The following MUC3A variants were observed in gnomAD, a reference collection of about 807,000 sequenced individuals.
The protein encoded by MUC3A is mucin-3A.
A neutral mutation model predicts 109.0 loss-of-function variants in MUC3A; 109 were observed. The ratio of observed to expected loss-of-function variants is 1.00; its 90% CI spans 0.86 to 1.17. The LOEUF (loss-of-function observed/expected upper bound fraction) is 1.17, where lower values mean the gene tolerates loss of function less well. Among genes scored for constraint, MUC3A ranks in the 50% most tolerant of loss-of-function variants. The probability of loss-of-function intolerance (pLI) is 0.00; values close to 1 mark genes in which losing one functional copy is unlikely to be tolerated. For synonymous variants in MUC3A, 1,398 were observed against 981.4 expected (o/e 1.42, Z -7.93); for missense variants, 3,537 against 2,469.4 (o/e 1.43, Z -9.16).
rs909107848 is a variant in MUC3A at position 100,957,032 on chromosome 7, A to T, written c.5253A>T (p.Gly1751=). Residue 1751 remains glycine (G), a synonymous_variant, in exon 2 of 12, where the codon GGA becomes GGT. Transcript: ENST00000379458. ...TLTPTSDIST[G]SFKTAVSSTP... ...CTCCTACCTCTGACATTTCCACAGGATCTTTCAAAACAGCCGTGAGTTCTA... is the reference window on the plus strand; with the variant it reads ...CTCCTACCTCTGACATTTCCACAGGTTCTTTCAAAACAGCCGTGAGTTCTA... 8.5e-3 allele frequency: 3,877 copies of T among 458,104 alleles called. No homozygotes were observed. Among genetic ancestry groups the T allele is most frequent in the Middle Eastern group, 0.046 (148 of 3,250 alleles). 28.4% of individuals were successfully genotyped at this position (458,104 alleles called of 1,614,324 possible). A position where few individuals can be genotyped will look rare whatever the true frequency, so the allele number is the denominator to read the frequency against.
chr7:100,963,883 C>A, intron 5 of MUC3A, 131 bp downstream of exon 5: 1 of 1,283,846 alleles, frequency 7.8e-7, no homozygotes, highest in Non-Finnish European at 1.1e-6. Flanking sequence ...TAAGGAATCA[C>A]TCCCTGGGTA....
rs1792579162 is a variant in MUC3A, at chr7:100,966,663, A to G, written c.9797A>G (p.Gln3266Arg). Residue 3266 changes from glutamine (Q) to arginine (R), a missense_variant, in exon 10 of 12, where the codon CAG becomes CGG. Gln to Arg is a conservative substitution (Grantham distance 43). Coordinates refer to ENST00000379458, the MANE Select transcript of MUC3A (RefSeq NM_005960.2). Reference protein sequence around the residue: ...GGQRRGRSWDQDRKWFETWDE... With the variant: ...GGQRRGRSWDRDRKWFETWDE... Reference sequence around the variant, plus strand: ...GCGGCCCCACCTAGGTCCTGGGACCAGGACAGGAAATGGTTCGAGACCTGG... The same window carrying G: ...GCGGCCCCACCTAGGTCCTGGGACCGGGACAGGAAATGGTTCGAGACCTGG... 2 of 1,598,550 alleles carry G rather than the reference A, an allele frequency of 1.3e-6. No individual in the cohort carries two copies. Among genetic ancestry groups the G allele is most frequent in the East Asian group, 2.2e-5 (1 of 44,892 alleles).
At chr7:100,963,997 G>A (rs1237853919) in intron 5 of MUC3A, 5 of 637,384 alleles carry the variant, frequency 7.8e-6, no homozygotes, top group South Asian at 7.8e-5. Flanking sequence ...GTGGGAAGGT[G>A]GTGCCTGGAT....
At chr7:100,966,071 C>A in intron 8 of MUC3A, 1 of 708,570 alleles carries the variant, frequency 1.4e-6, no homozygotes, top group Non-Finnish European at 2.1e-6. Flanking sequence ...GAGTCCTGTC[C>A]CCTAATTCTG....
chr7:100,967,602 C>G lies in MUC3A; in HGVS notation c.*440C>G, dbSNP rs910494812. The G allele has an allele frequency of 6.6e-5, 22 of 333,246 alleles. No homozygotes were observed. Among genetic ancestry groups the G allele is most frequent in the African/African-American group, 3.8e-4 (18 of 47,374 alleles). The allele number at this position is 333,246 out of a possible 1,614,324, so 20.6% of individuals were successfully genotyped here. On this transcript the variant is annotated 3_prime_UTR_variant, in exon 12 of 12. Transcript: ENST00000379458. ...TCTCTGGCCCTGGTTCTTATTTTCT[C>G]TCAATTCCCTACTGCCTGTTTCTTA...
chr7:100,957,714 A>G lies in MUC3A; in HGVS notation c.5935A>G (p.Ile1979Val). Reference protein sequence around the residue: ...SHNTPSLTSSITTTKTTSHST... With the variant: ...SHNTPSLTSSVTTTKTTSHST... Reference sequence around the variant, plus strand: ...CAATACTCCCAGCCTCACTTCTTCAATCACCACCACCAAGACCACCTCACA... The same window carrying G: ...CAATACTCCCAGCCTCACTTCTTCAGTCACCACCACCAAGACCACCTCACA... The change falls in exon 2 of 12, where the codon ATC (isoleucine) becomes GTC (valine). Residue 1979 changes from isoleucine to valine, a missense_variant. Ile to Val is a conservative substitution (Grantham distance 29, BLOSUM62 3). Coordinates refer to ENST00000379458, the MANE Select transcript of MUC3A (RefSeq NM_005960.2). 1 of 1,379,524 alleles carries G rather than the reference A, an allele frequency of 7.2e-7. No individual in the cohort carries two copies. Among genetic ancestry groups the G allele is most frequent in the Non-Finnish European group, 1.0e-6 (1 of 984,514 alleles). The allele number at this position is 1,379,524 out of a possible 1,614,324, so 85.5% of individuals were successfully genotyped here.
intron 3 of MUC3A, among the ~76,000 whole-genome samples, chr7:100,962,099 G>C (rs1350730940): frequency 9.7e-6 from 1 of 103,272 alleles, no homozygotes; most frequent in Admixed American, 1.2e-4. Context: ...GGGCGTAGTG[G>C]CGGGCGCCTG....
At position 100,958,977 on chromosome 7, in the gene MUC3A, A is replaced by C. The variant is rs62483697; in HGVS notation, c.7198A>C (p.Lys2400Gln). The change falls in exon 2 of 12, where the codon AAG (lysine) becomes CAG (glutamine). Residue 2400 changes from lysine (K) to glutamine (Q), a missense_variant. By Grantham distance (53) the Lys-to-Gln change is moderately conservative (BLOSUM62 1). Transcript: ENST00000379458. Reference protein sequence around the residue: ...PGLTSWVTTTKTTSHITPGLT... With the variant: ...PGLTSWVTTTQTTSHITPGLT... ...CCTCACTTCGTGGGTCACCACCACC[A>C]AGACCACCTCACACATTACTCCTGG... 2 of 1,381,530 alleles carry C rather than the reference A, an allele frequency of 1.4e-6. No individual in the cohort carries two copies. Among genetic ancestry groups the C allele is most frequent in the Non-Finnish European group, 1.9e-6 (2 of 1,051,632 alleles). 85.6% of individuals were successfully genotyped at this position (1,381,530 alleles called of 1,614,324 possible).
At chr7:100,963,652 G>A (rs1792418784) in intron 4 of MUC3A, 36 bp from the exon 5 acceptor site, 1 of 1,598,372 alleles carries the variant, frequency 6.3e-7, no homozygotes, top group East Asian at 2.2e-5. Flanking sequence ...AGGTCTGCAG[G>A]TTCGGACGTG....
chr7:100,965,606 G>A (rs956951020), intron 7 of MUC3A, 98 bp from the exon 8 acceptor site: 2 of 1,526,520 alleles, frequency 1.3e-6, no homozygotes, highest in Non-Finnish European at 1.8e-6. Context: ...CCTCGGAAAT[G>A]GAATCCTCCT....
chr7:100,952,260 C>A lies in MUC3A; in HGVS notation c.481C>A (p.Pro161Thr). 1 of 1,598,508 alleles carries A rather than the reference C, an allele frequency of 6.3e-7. No individual in the cohort carries two copies. Among genetic ancestry groups the A allele is most frequent in the Non-Finnish European group, 8.5e-7 (1 of 1,179,766 alleles). Residue 161 changes from proline (P) to threonine (T), a missense_variant, in exon 2 of 12, where the codon CCC (proline) becomes ACC (threonine). Coordinates refer to ENST00000379458, the MANE Select transcript of MUC3A (RefSeq NM_005960.2). The stretch of plus-strand genomic sequence containing the variant: ...CTTCACCAGCTCTTACACCTCGACT[C>A]CCGTGACACAGAAGCCAGTGACCAC... ...VAFTSSYTST[P>T]VTQKPVTTVT...
rs1791996630 is a variant in MUC3A at position 100,952,755 on chromosome 7, A to ACCAC, written c.976_977insCCAC (p.Ser326ThrfsTer9). ...GGTGACCACACTCCCCACTACCATC[A>ACCAC]GCAGGTCTACACCTACATCTGAGAC... On this transcript the variant is annotated frameshift_variant, in exon 2 of 12. Coordinates refer to ENST00000379458, the MANE Select transcript of MUC3A (RefSeq NM_005960.2). LOFTEE classifies it high-confidence loss of function. 2 of 1,484,592 alleles carry ACCAC rather than the reference A, an allele frequency of 1.3e-6. No individual in the cohort carries two copies. Among genetic ancestry groups the ACCAC allele is most frequent in the African/African-American group, 1.4e-5 (1 of 69,838 alleles). The allele number at this position is 1,484,592 out of a possible 1,614,324, so 92.0% of individuals were successfully genotyped here.
rs1466255075 is a variant in MUC3A, at chr7:100,958,117, C to G, written c.6338C>G (p.Ser2113Ter). The G allele has an allele frequency of 4.4e-5, 9 of 205,076 alleles. No individual in the cohort carries two copies. The highest frequency in any genetic ancestry group is 5.6e-5 in the Non-Finnish European group (7 of 125,260). 12.7% of individuals were successfully genotyped at this position (205,076 alleles called of 1,614,324 possible). ...TSHSTPSFTS[S>*]ITTSEMPSHS... ...CACAGTACTCCCAGCTTCACTTCCTCAATCACCACCTCTGAGATGCCCTCA... is the reference window on the plus strand; with the variant it reads ...CACAGTACTCCCAGCTTCACTTCCTGAATCACCACCTCTGAGATGCCCTCA... Residue 2113 changes from serine to a stop codon, truncating the protein, a stop_gained, in exon 2 of 12, where the codon TCA (serine) becomes TGA (stop). Transcript: ENST00000379458. LOFTEE classifies it high-confidence loss of function.
In MUC3A at chr7:100,967,465, G is replaced by C; in HGVS notation, c.*303G>C. The C allele has an allele frequency of 1.7e-6, 1 of 576,430 alleles. No individual in the cohort carries two copies. The highest frequency in any genetic ancestry group is 3.1e-6 in the Non-Finnish European group (1 of 324,372). 35.7% of individuals were successfully genotyped at this position (576,430 alleles called of 1,614,324 possible). ...CTGTATGATAGCTCACGCCGTTGTTGTGAAAACCACATAGACTTGGTCAAT... is the reference window on the plus strand; with the variant it reads ...CTGTATGATAGCTCACGCCGTTGTTCTGAAAACCACATAGACTTGGTCAAT... On this transcript the variant is annotated 3_prime_UTR_variant, in exon 12 of 12. Transcript: ENST00000379458.
rs900089760 is a variant in MUC3A, at chr7:100,955,669, G to A, written c.3890G>A (p.Gly1297Glu). The change falls in exon 2 of 12, where the codon GGG (glycine) becomes GAG (glutamate). Residue 1297 changes from glycine (G) to glutamate (E), a missense_variant. Coordinates refer to ENST00000379458, the MANE Select transcript of MUC3A (RefSeq NM_005960.2). Reference protein sequence around the residue: ...FSSSMSASSAGTTHTETISSL... With the variant: ...FSSSMSASSAETTHTETISSL... ...TCTTCCATGTCTGCCAGCAGTGCAG[G>A]GACCACTCACACAGAGACTATTTCC... 3 of 441,180 alleles carry A rather than the reference G, an allele frequency of 6.8e-6. No individual in the cohort carries two copies. The highest frequency in any genetic ancestry group is 5.6e-4 in the Middle Eastern group (1 of 1,792). The allele number at this position is 441,180 out of a possible 1,614,324, so 27.3% of individuals were successfully genotyped here. A position where few individuals can be genotyped will look rare whatever the true frequency, so the allele number is the denominator to read the frequency against.
At position 100,960,192 on chromosome 7, in the gene MUC3A, G is replaced by A. The variant is rs1321881870; in HGVS notation, c.8413G>A (p.Val2805Ile). Residue 2805 changes from valine to isoleucine, a missense_variant, in exon 2 of 12, where the codon GTC (valine) becomes ATC (isoleucine). Coordinates refer to ENST00000379458, the MANE Select transcript of MUC3A (RefSeq NM_005960.2). Reference protein sequence around the residue: ...ATSPPTTPLTVFPFTTEMVTC... With the variant: ...ATSPPTTPLTIFPFTTEMVTC... Reference sequence around the variant, plus strand: ...TTCTCCTCCCACCACCCCATTAACAGTCTTTCCCTTTACTACCGAAATGGT... The same window carrying A: ...TTCTCCTCCCACCACCCCATTAACAATCTTTCCCTTTACTACCGAAATGGT... 1.3e-6 allele frequency: 2 copies of A among 1,591,286 alleles called. No individual in the cohort carries two copies. The highest frequency in any genetic ancestry group is 2.2e-5 in the East Asian group (1 of 44,802).
Position 100,957,689 on chromosome 7 carries a change from C to G in MUC3A, c.5910C>G (p.His1970Gln). ...SSITTTETTS[H>Q]NTPSLTSSIT... ...TCACCACCACCGAGACCACATCCCACAATACTCCCAGCCTCACTTCTTCAA... is the reference window on the plus strand; with the variant it reads ...TCACCACCACCGAGACCACATCCCAGAATACTCCCAGCCTCACTTCTTCAA... The change falls in exon 2 of 12, where the codon CAC becomes CAG. Residue 1970 changes from histidine (H) to glutamine (Q), a missense_variant. Coordinates refer to ENST00000379458, the MANE Select transcript of MUC3A (RefSeq NM_005960.2). The G allele has an allele frequency of 1.2e-6, 1 of 825,738 alleles. No homozygotes were observed. The highest frequency in any genetic ancestry group is 1.5e-6 in the Non-Finnish European group (1 of 677,448). The allele number at this position is 825,738 out of a possible 1,614,324, so 51.2% of individuals were successfully genotyped here.
rs1275241632 is a variant in MUC3A, at chr7:100,956,164, C to T, written c.4385C>T (p.Thr1462Ile). The stretch of plus-strand genomic sequence containing the variant: ...ACCAGGTCTACACTTACATCTGAGA[C>T]CGCCTACCCTAGTTCTCCCACAAGC... ...TITRSTLTSETAYPSSPTSTV... is the reference protein window; with the variant it reads ...TITRSTLTSEIAYPSSPTSTV... Residue 1462 changes from threonine to isoleucine, a missense_variant, in exon 2 of 12, where the codon ACC becomes ATC. By Grantham distance (89) the Thr-to-Ile change is moderately conservative. Transcript: ENST00000379458. The T allele has an allele frequency of 1.6e-4, 71 of 443,610 alleles. No homozygotes were observed. In the East Asian group the frequency reaches 2.5e-3, roughly 15 times the overall value. 27.5% of individuals were successfully genotyped at this position (443,610 alleles called of 1,614,324 possible). A position where few individuals can be genotyped will look rare whatever the true frequency, so the allele number is the denominator to read the frequency against.
At position 100,960,729 on chromosome 7, in the gene MUC3A, C is replaced by G. The variant is rs762742528; in HGVS notation, c.8867-23C>G. 15 of 1,595,078 alleles carry G rather than the reference C, an allele frequency of 9.4e-6. No individual in the cohort carries two copies. The South Asian group carries it at 1.7e-4, about 18-fold the overall frequency. On this transcript the variant is annotated intron_variant, in intron 2 of 11. Transcript: ENST00000379458. ...TGAGGTCAGGCTTTATCCTGAGCTT[C>G]CCTTTCTTTCTGTGTTTTCCAGGCA...
Sources: allele counts gnomAD v4.1 joint callset (sites outside exome capture counted in the v4.1 genomes callset), GRCh38; gene constraint gnomAD v4.1.1; transcripts MANE v1.5; gene names NCBI Gene and HGNC (gene_info 2026-07-23, HGNC 2026-07-21).